Variants in AOPEP observed in about 807,000 individuals in gnomAD.
AOPEP encodes aminopeptidase O (putative), also known as aminopeptidase O.
Under a neutral mutation model 98.1 loss-of-function variants are expected in AOPEP, and 77 were observed. The observed-to-expected ratio is 0.78, with a 90% CI of 0.65 to 0.95. AOPEP has a LOEUF of 0.95. Among genes scored for constraint, AOPEP ranks in the 40% least tolerant of loss-of-function variants. The pLI is 0.00. For synonymous variants in AOPEP, 346 were observed against 365.3 expected (o/e 0.95, Z 0.60); for missense variants, 1,024 against 1,024.7 (o/e 1.00, Z 0.01).
chr9:94,788,489 T>C (rs1196362410), intron 3 of AOPEP, among the ~76,000 whole-genome samples: 3 of 151,750 alleles, frequency 2.0e-5, no homozygotes, highest in African/African-American at 7.3e-5. Flanking sequence ...TGTCTTATGC[T>C]TTGTTTTTTT....
chr9:94,737,700 A>G (rs1352582273), intron 1 of AOPEP, among the ~76,000 whole-genome samples: 1 of 152,254 alleles, frequency 6.6e-6, no homozygotes, highest in Non-Finnish European at 1.5e-5. Flanking sequence ...TTCTTAAAAT[A>G]TAAGACTGCA....
At chr9:94,888,258 A>G (rs1435873947) in intron 5 of AOPEP, among the ~76,000 whole-genome samples, 1 of 151,684 alleles carries the variant, frequency 6.6e-6, no homozygotes, top group African/African-American at 2.4e-5. Flanking sequence ...TGTGAATCCA[A>G]GGAATAAATT....
chr9:95,149,567 C>T, the AOPEP span, among the ~76,000 whole-genome samples: 1 of 152,046 alleles, frequency 6.6e-6, no homozygotes, highest in Non-Finnish European at 1.5e-5. Context: ...CAATCTCCGC[C>T]TCCCAGGTGG....
chr9:95,032,074 A>G (rs1232034140), intron 13 of AOPEP, among the ~76,000 whole-genome samples: 1 of 152,206 alleles, frequency 6.6e-6, no homozygotes, highest in Non-Finnish European at 1.5e-5. Flanking sequence ...ATCAGAAGGT[A>G]CATGTCCCAG....
intron 10 of AOPEP, among the ~76,000 whole-genome samples, chr9:94,968,800 A>G (rs1422028793): frequency 6.6e-6 from 1 of 152,080 alleles, no homozygotes; most frequent in Non-Finnish European, 1.5e-5. Context: ...GATAAATTAT[A>G]ATCCTCTGTG....
rs2063006320 is a variant in AOPEP at position 95,016,440 on chromosome 9, A to G, written c.2115+10824A>G. On this transcript the variant is annotated intron_variant, in intron 13 of 16. Transcript: ENST00000375315. ...TGTTTTTTAGTAGAAATGGGGTTTC[A>G]TCATGTTGACCAGGCTGGTGCTGAA... Among the ~76,000 whole-genome samples the G allele has an allele frequency of 2.6e-5, 4 of 151,250 alleles. No homozygotes were observed. In the South Asian group the frequency reaches 8.4e-4, roughly 32 times the overall value.
chr9:95,128,544 AATG>A, the AOPEP span, among the ~76,000 whole-genome samples: 1 of 152,240 alleles, frequency 6.6e-6, no homozygotes, highest in Non-Finnish European at 1.5e-5. Flanking sequence ...CAGCAAAGAA[AATG>A]ATGATCAGAT....
chr9:95,123,898 A>C, the AOPEP span: 1 of 482,610 alleles, frequency 2.1e-6, no homozygotes, highest in Non-Finnish European at 3.9e-6. Context: ...CTGAAGACGG[A>C]CTATTCTCTT....
chr9:94,896,014 G>A (rs2049507986), intron 5 of AOPEP, among the ~76,000 whole-genome samples: 1 of 152,136 alleles, frequency 6.6e-6, no homozygotes, highest in Non-Finnish European at 1.5e-5. Flanking sequence ...GAGAATGTTT[G>A]CCTATCTCTA....
Position 94,885,265 on chromosome 9 carries a change from C to G in AOPEP, c.1365-38721C>G, listed in dbSNP as rs146547388. 8.0e-3 allele frequency among the ~76,000 whole-genome samples: 1,095 copies of G among 136,208 alleles called. 15 individuals are homozygous for G. Among genetic ancestry groups the G allele is most frequent in the African/African-American group, 0.029 (1,055 of 36,384 alleles). The allele number at this position is 136,208 out of a possible 152,430, so 89.4% of individuals were successfully genotyped here. On this transcript the variant is annotated intron_variant, in intron 5 of 16. Transcript: ENST00000375315. Reference sequence around the variant, plus strand: ...TTGGTAGGCTGAAGTGGGAGGATCGCTTGAGCCTGGGAAGTTGAGGCTATA... The same window carrying G: ...TTGGTAGGCTGAAGTGGGAGGATCGGTTGAGCCTGGGAAGTTGAGGCTATA...
intron 5 of AOPEP, among the ~76,000 whole-genome samples, chr9:94,882,247 G>C (rs937063642): frequency 1.3e-5 from 2 of 152,190 alleles, no homozygotes; most frequent in Non-Finnish European, 2.9e-5. Context: ...GATGGGTAAA[G>C]AGAGGAAACA....
the AOPEP span, among the ~76,000 whole-genome samples, chr9:95,103,731 G>A: frequency 2.1e-4 from 32 of 152,324 alleles, no homozygotes; most frequent in African/African-American, 6.3e-4. Context: ...CGGGACAGCC[G>A]GGGAGTGGGC....
intron 5 of AOPEP, chr9:94,921,211 A>C (rs1374412103): frequency 6.6e-6 from 1 of 152,234 alleles, no homozygotes; most frequent in African/African-American, 2.4e-5. Context: ...TTCAAGGGGA[A>C]AAAAAGAAAC....
chr9:94,870,535 G>C (rs912270131), intron 5 of AOPEP, among the ~76,000 whole-genome samples: 1 of 152,130 alleles, frequency 6.6e-6, no homozygotes, highest in East Asian at 1.9e-4. Flanking sequence ...TCCCAGATTT[G>C]GTGATGGGAA....
intron 10 of AOPEP, among the ~76,000 whole-genome samples, chr9:94,970,703 GA>G (rs112921633): frequency 1.2e-3 from 163 of 136,756 alleles, no homozygotes; most frequent in Admixed American, 2.4e-3. Context: ...TTGCTGTCTT[GA>G]AAAAAAAAAA....
In AOPEP at chr9:94,903,884, ACT is replaced by A. The variant is rs201233005; in HGVS notation, c.1365-20099_1365-20098del. Among the ~76,000 whole-genome samples, 22 of 70,474 alleles carry A rather than the reference ACT, an allele frequency of 3.1e-4. No homozygotes were observed. In the East Asian group the frequency reaches 6.2e-3, roughly 20 times the overall value. The allele number at this position is 70,474 out of a possible 152,430, so 46.2% of individuals were successfully genotyped here. The stretch of plus-strand genomic sequence containing the variant: ...ACTCCAGCATGGGCAACAGAGTGAG[ACT>A]CTGTCTAAAAAAAAAAAAAAAAAAA... On this transcript the variant is annotated intron_variant, in intron 5 of 16. Transcript: ENST00000375315.
the AOPEP span, among the ~76,000 whole-genome samples, chr9:95,147,255 C>T: frequency 1.3e-5 from 2 of 152,126 alleles, no homozygotes; most frequent in African/African-American, 2.4e-5. Context: ...CAGTGGCTCA[C>T]GCCTGTAATC....
intron 9 of AOPEP, among the ~76,000 whole-genome samples, chr9:94,958,334 A>C (rs184948780): frequency 6.6e-6 from 1 of 152,332 alleles, no homozygotes; most frequent in East Asian, 1.9e-4. Context: ...CATTGTGAAT[A>C]ATACTGCTGT....
rs768721614 is a variant in AOPEP at position 95,082,678 on chromosome 9, G to C, written c.2423G>C (p.Arg808Thr). The C allele has an allele frequency of 1.2e-6, 2 of 1,614,250 alleles. No homozygotes were observed. Among genetic ancestry groups the C allele is most frequent in the Non-Finnish European group, 1.7e-6 (2 of 1,180,042 alleles). The change falls in exon 16 of 17, where the codon AGG (arginine) becomes ACG (threonine). Residue 808 changes from arginine (R) to threonine (T), a missense_variant. Arg to Thr is a moderately conservative substitution (Grantham distance 71, BLOSUM62 -1). This residue lies in a region of AOPEP where 566 missense variants were observed against 551.7 expected (regional missense o/e 1.03). Transcript: ENST00000375315. ...GAGCGGACCAAGGAGCAGATGGATA[G>C]GTCCTCAGCCCAGGTGGTGGCCGAA... ...CFERTKEQMD[R>T]SSAQVVAEML...
Sources: gnomAD v4.1 joint callset for allele counts (sites outside exome capture counted in the v4.1 genomes callset) on GRCh38, gnomAD v4.1.1 for gene constraint, gnomAD v4.1.1 regional missense constraint, MANE v1.5 for transcripts, NCBI Gene and HGNC (gene_info 2026-07-23, HGNC 2026-07-21) for gene names.